The following PCDH15 variants were observed in gnomAD, a reference collection of about 807,000 sequenced individuals.
PCDH15 encodes the protein protocadherin-15.
Under a neutral mutation model 178.5 loss-of-function variants are expected in PCDH15, and 129 were observed. That is an observed-to-expected ratio of 0.72 (90% CI 0.63 to 0.84). The LOEUF (loss-of-function observed/expected upper bound fraction) is 0.84, where lower values mean the gene tolerates loss of function less well. PCDH15 is among the 40% of genes least tolerant of loss of function. The pLI, the probability that PCDH15 is intolerant of heterozygous loss-of-function variation, is 0.00. For missense variants in PCDH15, 2,230 were observed against 2,099.9 expected, an observed-to-expected ratio of 1.06 and a Z score of -1.21; for synonymous variants, 800 against 732.0, an observed-to-expected ratio of 1.09 and a Z score of -1.50.
At chr10:55,184,470 T>C (rs912455225) in intron 1 of PCDH15, among the ~76,000 whole-genome samples, 3 of 151,992 alleles carry the variant, frequency 2.0e-5, no homozygotes, top group African/African-American at 7.2e-5. Context: ...CAAAAATGCA[T>C]TTATAATACA....
At chr10:54,132,575 A>G (rs1005299078) in intron 15 of PCDH15, among the ~76,000 whole-genome samples, 1 of 152,208 alleles carries the variant, frequency 6.6e-6, no homozygotes, top group African/African-American at 2.4e-5. Flanking sequence ...TTGGATCCAA[A>G]GTATAAAATA....
intron 2 of PCDH15, among the ~76,000 whole-genome samples, chr10:55,457,394 A>T (rs1839577492): frequency 6.6e-6 from 1 of 151,476 alleles, no homozygotes; most frequent in Admixed American, 6.6e-5. Flanking sequence ...TGTGTACCAG[A>T]TCATGTACTC....
rs181494213 is a variant in PCDH15, at chr10:54,935,550, A to G, written c.-79-38050T>C. On this transcript the variant is annotated intron_variant, in intron 2 of 5. Transcript: ENST00000458638. ...AGTCACTATAGTGTGCACCTCTGGT[A>G]ACTTCATTTTTCTTTCCTTGCTAAC... 2.6e-5 allele frequency among the ~76,000 whole-genome samples: 4 copies of G among 152,258 alleles called. No homozygotes were observed. In the East Asian group the frequency reaches 7.7e-4, roughly 29 times the overall value.
chr10:55,344,172 A>T (rs544521256), intron 2 of PCDH15, among the ~76,000 whole-genome samples: 11 of 152,166 alleles, frequency 7.2e-5, no homozygotes, highest in Non-Finnish European at 1.5e-4. Context: ...TATTCAAGGA[A>T]TATTAAGAAG....
intron 15 of PCDH15, among the ~76,000 whole-genome samples, chr10:54,117,313 G>A (rs909858110): frequency 6.6e-6 from 1 of 152,124 alleles, no homozygotes; most frequent in Non-Finnish European, 1.5e-5. Context: ...TGGACCAGAT[G>A]CAGGCACCTG....
chr10:54,787,821 T>C (rs185108348), intron 1 of PCDH15, among the ~76,000 whole-genome samples: 32 of 152,132 alleles, frequency 2.1e-4, no homozygotes, highest in Admixed American at 2.0e-3. Context: ...GCGAAGCTTG[T>C]AGCAAGCCAG....
intron 21 of PCDH15, among the ~76,000 whole-genome samples, chr10:53,963,776 C>A (rs1231910508): frequency 6.6e-6 from 1 of 152,120 alleles, no homozygotes; most frequent in Non-Finnish European, 1.5e-5. Context: ...ATCATCATCA[C>A]ATCCTGCCAA....
chr10:55,074,639 C>A (rs571993128), intron 2 of PCDH15, among the ~76,000 whole-genome samples: 1 of 152,076 alleles, frequency 6.6e-6, no homozygotes, highest in South Asian at 2.1e-4. Flanking sequence ...GGATAGATTG[C>A]AAAAAATTTC....
At chr10:54,606,952 G>A (rs2092768352) in intron 2 of PCDH15, 1 of 151,956 alleles carries the variant, frequency 6.6e-6, no homozygotes, top group Non-Finnish European at 1.5e-5. Context: ...TTTTAATGAA[G>A]AATTCCCTAG....
At position 55,417,279 on chromosome 10, in the gene PCDH15, G is replaced by T. The variant is rs527956928; in HGVS notation, c.-156+210346C>A. 5.3e-5 allele frequency among the ~76,000 whole-genome samples: 8 copies of T among 151,652 alleles called. No homozygotes were observed. In the South Asian group the frequency reaches 1.7e-3, roughly 31 times the overall value. ...AAATAAAAATTCACCAAATCATAGT[G>T]CAGCTATAAATAAAACTAAAATGAG... On this transcript the variant is annotated intron_variant, in intron 2 of 5. Coordinates refer to the PCDH15 transcript ENST00000613346.
At chr10:54,592,867 A>C (rs2091970753) in intron 2 of PCDH15, among the ~76,000 whole-genome samples, 1 of 152,154 alleles carries the variant, frequency 6.6e-6, no homozygotes. Context: ...GTTTGATAAT[A>C]GCCATTCAAA....
intron 1 of PCDH15, among the ~76,000 whole-genome samples, chr10:55,205,907 G>A (rs1253956384): frequency 6.6e-6 from 1 of 152,008 alleles, no homozygotes; most frequent in Non-Finnish European, 1.5e-5. Flanking sequence ...CATATCTTAC[G>A]TTGATGGCAG....
At chr10:54,731,428 A>G (rs2132654358) in intron 1 of PCDH15, among the ~76,000 whole-genome samples, 1 of 150,036 alleles carries the variant, frequency 6.7e-6, no homozygotes, top group South Asian at 2.1e-4. Flanking sequence ...ACATTCACAA[A>G]AAGGCAGTAT....
At chr10:54,204,835 C>T (rs868168921) in intron 10 of PCDH15, among the ~76,000 whole-genome samples, 1 of 152,052 alleles carries the variant, frequency 6.6e-6, no homozygotes, top group Non-Finnish European at 1.5e-5. Context: ...GTAAACTTGG[C>T]CTTTTGCACT....
chr10:54,564,255 T>A (rs2088667955), intron 2 of PCDH15, among the ~76,000 whole-genome samples: 1 of 152,174 alleles, frequency 6.6e-6, no homozygotes, highest in Non-Finnish European at 1.5e-5. Context: ...TCAGAATGAA[T>A]TACATATCTG....
rs201238804 is a variant in PCDH15 at position 54,285,410 on chromosome 10, C to CA, written c.876+31860dup. 3.5e-4 allele frequency among the ~76,000 whole-genome samples: 53 copies of CA among 151,816 alleles called. 1 individual carries two copies. The East Asian group carries it at 8.1e-3, about 23-fold the overall frequency. ...ACAAATAACCTGATTAAACAATGGG[C>CA]AAAAAAATCTGAATAGATATTTCTC... On this transcript the variant is annotated intron_variant, in intron 8 of 37. Transcript: ENST00000644397.
intron 2 of PCDH15, among the ~76,000 whole-genome samples, chr10:55,474,032 T>C (rs995782165): frequency 2.0e-5 from 3 of 152,170 alleles, no homozygotes; most frequent in African/African-American, 7.2e-5. Flanking sequence ...CCCAGCCTAC[T>C]TGGCATGCAA....
At position 55,347,430 on chromosome 10, in the gene PCDH15, A is replaced by G. The variant is rs145466646; in HGVS notation, c.-155-180779T>C. 5.6e-4 allele frequency among the ~76,000 whole-genome samples: 85 copies of G among 152,242 alleles called. 1 individual carries two copies. The Middle Eastern group carries it at 0.02, about 37-fold the overall frequency. On this transcript the variant is annotated intron_variant, in intron 2 of 5. Coordinates refer to the PCDH15 transcript ENST00000613346. The stretch of plus-strand genomic sequence containing the variant: ...CATTAAAGCCTCCTGAAACACATAA[A>G]TAAGTACAATAAAACTAATTATCAA...
intron 1 of PCDH15, among the ~76,000 whole-genome samples, chr10:55,237,212 C>G (rs1194830857): frequency 6.6e-6 from 1 of 152,046 alleles, no homozygotes; most frequent in Non-Finnish European, 1.5e-5. Context: ...GCACAATGCA[C>G]TATATTGGTA....
Sources: allele counts gnomAD v4.1 joint callset (sites outside exome capture counted in the v4.1 genomes callset), GRCh38; gene constraint gnomAD v4.1.1; transcripts MANE v1.5; gene names NCBI Gene and HGNC (gene_info 2026-07-23, HGNC 2026-07-21).